PPP6C: variants seen among roughly 807,000 people sequenced by gnomAD.
The protein encoded by PPP6C is serine/threonine-protein phosphatase 6 catalytic subunit.
Under a neutral mutation model 39.8 loss-of-function variants are expected in PPP6C, and 11 were observed. The ratio of observed to expected loss-of-function variants is 0.28; its 90% confidence interval spans 0.17 to 0.46. PPP6C has a LOEUF of 0.46. Among genes scored for constraint, PPP6C ranks in the 20% least tolerant of loss-of-function variants. PPP6C has a pLI of 1.00. For synonymous variants in PPP6C, 129 were observed against 130.3 expected, an observed-to-expected ratio of 0.99 and a Z score of 0.07; for missense variants, 211 against 373.9, an observed-to-expected ratio of 0.56 and a Z score of 3.59.
chr9:125,156,616 T>G (rs577571514), intron 4 of PPP6C, among the ~76,000 whole-genome samples: 1 of 152,216 alleles, frequency 6.6e-6, no homozygotes, highest in East Asian at 1.9e-4. Flanking sequence ...AATATAAAAT[T>G]TAAATCTAAA....
At chr9:125,187,414 A>G (rs891394239) in intron 1 of PPP6C, among the ~76,000 whole-genome samples, 3 of 151,242 alleles carry the variant, frequency 2.0e-5, no homozygotes, top group African/African-American at 4.9e-5. Flanking sequence ...AAGTAAGTAA[A>G]CTGGGATTAC....
intron 2 of PPP6C, among the ~76,000 whole-genome samples, chr9:125,167,379 C>CAAAAAAA (rs758123351): frequency 1.2e-4 from 7 of 56,094 alleles, no homozygotes; most frequent in African/African-American, 3.0e-4. Context: ...AGACCCTGTC[C>CAAAAAAA]AAAAAAAAAA....
chr9:125,171,159 C>A lies in PPP6C; in HGVS notation c.97G>T (p.Asp33Tyr). 6.3e-7 allele frequency: 1 copy of A among 1,597,412 alleles called. No homozygotes were observed. The highest frequency in any genetic ancestry group is 2.2e-5 in the East Asian group (1 of 44,560). The change falls in exon 2 of 7, where the codon GAC (aspartate) becomes TAC (tyrosine). Residue 33 changes from aspartate (D) to tyrosine (Y), a missense_variant. Coordinates refer to ENST00000373547, the MANE Select transcript of PPP6C (RefSeq NM_002721.5). ...DLKRLCDYVC[D>Y]LLLEESNVQP... ...ACATTTGACTCTTCTAAGAGGAGGT[C>A]ACAAACGTAGTCACATAGCCGCTAT...
rs1835883396 is a variant in PPP6C, at chr9:125,149,369, T to C, written c.*304A>G. The C allele has an allele frequency of 4.0e-6, 1 of 247,364 alleles. No homozygotes were observed. The highest frequency in any genetic ancestry group is 7.6e-5 in the East Asian group (1 of 13,108). 15.3% of individuals were successfully genotyped at this position (247,364 alleles called of 1,614,324 possible). A position where few individuals can be genotyped will look rare whatever the true frequency, so the allele number is the denominator to read the frequency against. On this transcript the variant is annotated 3_prime_UTR_variant, in exon 7 of 7. Transcript: ENST00000373547. ...TTGGCTTTTAAAAAAAGGAAACACA[T>C]CCTGTTTCCCAGACCAGTAAATAAG...
At chr9:125,172,370 A>T (rs1254866500) in intron 1 of PPP6C, among the ~76,000 whole-genome samples, 1 of 151,894 alleles carries the variant, frequency 6.6e-6, no homozygotes, top group Non-Finnish European at 1.5e-5. Context: ...ACACACCATC[A>T]TGCCCAGCTA....
chr9:125,162,643 G>A (rs994951418), intron 2 of PPP6C, among the ~76,000 whole-genome samples: 2 of 150,816 alleles, frequency 1.3e-5, no homozygotes, highest in South Asian at 2.1e-4. Flanking sequence ...ATCATGGTGG[G>A]CACCTGTAAT....
chr9:125,150,822 G>A (rs1835918232), intron 6 of PPP6C: 1 of 755,454 alleles, frequency 1.3e-6, no homozygotes, highest in African/African-American at 1.7e-5. Context: ...CATTCAGAGT[G>A]GTTGTGGCAA....
chr9:125,177,501 G>A lies in PPP6C; in HGVS notation c.76-6321C>T, dbSNP rs753773462. On this transcript the variant is annotated intron_variant, in intron 1 of 6. Transcript: ENST00000373547. ...CCCTTGAGCCCAGGAGTTCAAGACCGCCCTCAGCAATATAGAGAGACTTCG... is the reference window on the plus strand; with the variant it reads ...CCCTTGAGCCCAGGAGTTCAAGACCACCCTCAGCAATATAGAGAGACTTCG... Among the ~76,000 whole-genome samples, 3 of 152,002 alleles carry A rather than the reference G, an allele frequency of 2.0e-5. No individual in the cohort carries two copies. In the East Asian group the frequency reaches 5.8e-4, roughly 29 times the overall value.
intron 1 of PPP6C, among the ~76,000 whole-genome samples, chr9:125,188,372 G>C (rs1244793250): frequency 2.6e-5 from 4 of 151,940 alleles, no homozygotes; most frequent in Non-Finnish European, 5.9e-5. Context: ...GCGACAGAGC[G>C]AGACTCCGTC....
chr9:125,172,451 C>T (rs1347324059), intron 1 of PPP6C, among the ~76,000 whole-genome samples: 2 of 152,154 alleles, frequency 1.3e-5, no homozygotes, highest in Non-Finnish European at 2.9e-5. Flanking sequence ...AGGTGATCTG[C>T]CCGCTTCGGC....
At chr9:125,185,442 C>T (rs1221732455) in intron 1 of PPP6C, among the ~76,000 whole-genome samples, 2 of 152,134 alleles carry the variant, frequency 1.3e-5, no homozygotes, top group East Asian at 3.9e-4. Context: ...GCCTGTAATC[C>T]CAGCACTTTG....
chr9:125,167,379 C>CAAAAAAAA (rs758123351), intron 2 of PPP6C, among the ~76,000 whole-genome samples: 1 of 56,098 alleles, frequency 1.8e-5, no homozygotes, highest in African/African-American at 7.6e-5. Context: ...AGACCCTGTC[C>CAAAAAAAA]AAAAAAAAAA....
intron 1 of PPP6C, among the ~76,000 whole-genome samples, chr9:125,171,478 C>CACACATATATATAT (rs1171157245): frequency 7.2e-5 from 6 of 83,502 alleles, no homozygotes; most frequent in East Asian, 6.3e-4. Flanking sequence ...CACACACACA[C>CACACATATATATAT]ATATATATAT....
intron 2 of PPP6C, among the ~76,000 whole-genome samples, chr9:125,163,788 C>T (rs1441949929): frequency 6.6e-6 from 1 of 151,598 alleles, no homozygotes; most frequent in African/African-American, 2.4e-5. Flanking sequence ...CACAGGTAGA[C>T]GATTAAATAT....
intron 2 of PPP6C, among the ~76,000 whole-genome samples, chr9:125,168,774 T>C (rs1236288925): frequency 1.3e-5 from 2 of 150,086 alleles, no homozygotes; most frequent in Non-Finnish European, 3.0e-5. Flanking sequence ...TATTTTTTAT[T>C]TTTTCGAGAC....
In PPP6C at chr9:125,147,039, C is replaced by T. The variant is rs1380600594; in HGVS notation, c.*2634G>A. On this transcript the variant is annotated 3_prime_UTR_variant, in exon 7 of 7. Transcript: ENST00000373547. ...AAAATCTTCCAACAGTTCTAGACATCCAGACAGAATAGGAGCTGATGCAGA... is the reference window on the plus strand; with the variant it reads ...AAAATCTTCCAACAGTTCTAGACATTCAGACAGAATAGGAGCTGATGCAGA... 2.0e-5 allele frequency: 3 copies of T among 152,254 alleles called. No individual in the cohort carries two copies. The highest frequency in any genetic ancestry group is 2.1e-4 in the South Asian group (1 of 4,822). The allele number at this position is 152,254 out of a possible 1,614,324, so 9.4% of individuals were successfully genotyped here. A position where few individuals can be genotyped will look rare whatever the true frequency, so the allele number is the denominator to read the frequency against.
chr9:125,189,603 G>A, intron 1 of PPP6C, 41 bp downstream of exon 1: 1 of 1,610,216 alleles, frequency 6.2e-7, no homozygotes, highest in Admixed American at 1.7e-5. Context: ...GCCGGCGGGC[G>A]CCCCACAGCC....
chr9:125,162,317 GGGT>G (rs1358966037), intron 2 of PPP6C, among the ~76,000 whole-genome samples: 1 of 151,800 alleles, frequency 6.6e-6, no homozygotes. Flanking sequence ...AATTATCCAG[GGGT>G]GGTGGCCTGC....
intron 3 of PPP6C, among the ~76,000 whole-genome samples, chr9:125,160,530 A>T (rs1828843567): frequency 6.6e-6 from 1 of 152,168 alleles, no homozygotes; most frequent in Admixed American, 6.6e-5. Flanking sequence ...TAAAAACAAG[A>T]GATCCCTGCA....
Sources: allele counts gnomAD v4.1 joint callset (sites outside exome capture counted in the v4.1 genomes callset), GRCh38; gene constraint gnomAD v4.1.1; transcripts MANE v1.5; gene names NCBI Gene and HGNC (gene_info 2026-07-23, HGNC 2026-07-21).